ENDOD1: variants seen among roughly 807,000 people sequenced by gnomAD.
The protein encoded by ENDOD1 is endonuclease domain containing 1.
A neutral mutation model predicts 6.5 loss-of-function variants in ENDOD1; 9 were observed. That is an observed-to-expected ratio of 1.39 (90% confidence interval 0.84 to 2.43). ENDOD1 has a LOEUF of 2.43. Among genes scored for constraint, ENDOD1 ranks in the 30% most tolerant of loss-of-function variants. The pLI is 0.00. For missense variants in ENDOD1, 648 were observed against 635.5 expected, an observed-to-expected ratio of 1.02 and a Z score of -0.21; for synonymous variants, 255 against 255.2, an observed-to-expected ratio of 1.00 and a Z score of 0.01.
chr11:95,102,852 TGGAG>T (rs1859054195), intron 1 of ENDOD1, among the ~76,000 whole-genome samples: 1 of 152,224 alleles, frequency 6.6e-6, no homozygotes. Context: ...CAGTTGGCTT[TGGAG>T]AAAGGCTATT....
intron 1 of ENDOD1, among the ~76,000 whole-genome samples, chr11:95,126,277 A>C (rs1859311315): frequency 6.6e-6 from 1 of 152,232 alleles, no homozygotes; most frequent in Admixed American, 6.5e-5. Flanking sequence ...GACTGCCCTC[A>C]GACTAGAGGT....
intron 1 of ENDOD1, among the ~76,000 whole-genome samples, chr11:95,110,345 T>C (rs1230485787): frequency 6.6e-6 from 1 of 152,214 alleles, no homozygotes; most frequent in Non-Finnish European, 1.5e-5. Context: ...TCTTCTTCCA[T>C]TGATCCCATC....
chr11:95,101,086 A>T (rs1859035956), intron 1 of ENDOD1, among the ~76,000 whole-genome samples: 1 of 152,110 alleles, frequency 6.6e-6, no homozygotes, highest in South Asian at 2.1e-4. Flanking sequence ...TGTCTAACAC[A>T]AAGACAGCAA....
chr11:95,110,583 A>ATGTG lies in ENDOD1; in HGVS notation c.301-17769_301-17766dup, dbSNP rs35270641. On this transcript the variant is annotated intron_variant, in intron 1 of 1. Transcript: ENST00000278505. ...TGCTGACTTTCAAGTCCGTGTATGTATGTGTGTGTGTGTGTGTGTGTGTGT... is the reference window on the plus strand; with the variant it reads ...TGCTGACTTTCAAGTCCGTGTATGTATGTGTGTGTGTGTGTGTGTGTGTGTGTGT... Among the ~76,000 whole-genome samples the ATGTG allele has an allele frequency of 9.7e-3, 1,440 of 147,756 alleles. 12 individuals carry two copies. The highest frequency in any genetic ancestry group is 0.014 in the Middle Eastern group (4 of 290).
intron 1 of ENDOD1, among the ~76,000 whole-genome samples, chr11:95,112,350 A>G (rs1487691518): frequency 1.3e-5 from 2 of 152,076 alleles, no homozygotes; most frequent in Non-Finnish European, 2.9e-5. Context: ...CTTTGAAATC[A>G]GAGAAGCTGG....
At position 95,096,642 on chromosome 11, in the gene ENDOD1, G is replaced by C. The variant is rs1346368604; in HGVS notation, c.300+6415G>C. On this transcript the variant is annotated intron_variant, in intron 1 of 1. Coordinates refer to ENST00000278505, the MANE Select transcript of ENDOD1 (RefSeq NM_015036.3). ...TCAGTTGACTTATACTTTAAGGGCT[G>C]ATTGGTCTTCAGTTTTTATTGACTT... Among the ~76,000 whole-genome samples, 5 of 152,188 alleles carry C rather than the reference G, an allele frequency of 3.3e-5. No individual in the cohort carries two copies. The South Asian group carries it at 1.0e-3, about 32-fold the overall frequency.
chr11:95,111,470 A>G lies in ENDOD1; in HGVS notation c.301-16907A>G, dbSNP rs190195223. Among the ~76,000 whole-genome samples the G allele has an allele frequency of 1.6e-4, 24 of 152,150 alleles. No individual in the cohort carries two copies. The East Asian group carries it at 3.9e-3, about 24-fold the overall frequency. ...TAATGAAATAATTATACAACTCACC[A>G]TAATGTAGAATCAGTGGAATCTCTG... On this transcript the variant is annotated intron_variant, in intron 1 of 1. Coordinates refer to ENST00000278505, the MANE Select transcript of ENDOD1 (RefSeq NM_015036.3).
Position 95,090,017 on chromosome 11 carries a change from C to T in ENDOD1, c.90C>T (p.Gly30=), listed in dbSNP as rs549509830. The T allele has an allele frequency of 3.2e-6, 5 of 1,585,892 alleles. No homozygotes were observed. The highest frequency in any genetic ancestry group is 1.4e-5 in the African/African-American group (1 of 73,182). The change falls in exon 1 of 2, where the codon GGC becomes GGT. Residue 30 remains glycine (G), a synonymous_variant. Transcript: ENST00000278505. ...EGRLVGEEEA[G]FGECDKFFYA... The stretch of plus-strand genomic sequence containing the variant: ...GGCTCGTGGGCGAGGAGGAAGCCGG[C>T]TTTGGCGAATGTGACAAGTTCTTCT...
intron 1 of ENDOD1, among the ~76,000 whole-genome samples, chr11:95,114,363 A>ACCACACC: frequency 6.8e-6 from 1 of 147,556 alleles, no homozygotes; most frequent in African/African-American, 2.7e-5. Flanking sequence ...TTTTTTTCCT[A>ACCACACC]TGGAGTTGTT....
At chr11:95,096,227 CTTTTTTT>C (rs10660230) in intron 1 of ENDOD1, among the ~76,000 whole-genome samples, 3 of 49,964 alleles carry the variant, frequency 6.0e-5, no homozygotes, top group Admixed American at 3.9e-4. Context: ...GTCAAGAAAG[CTTTTTTT>C]TTTTTTTTTT....
intron 1 of ENDOD1, among the ~76,000 whole-genome samples, chr11:95,094,513 T>C (rs1555110132): frequency 6.6e-6 from 1 of 152,234 alleles, no homozygotes; most frequent in African/African-American, 2.4e-5. Flanking sequence ...GTCACTTTAC[T>C]CTGGAATGAA....
chr11:95,115,371 C>T (rs549866941), intron 1 of ENDOD1, among the ~76,000 whole-genome samples: 6 of 145,220 alleles, frequency 4.1e-5, no homozygotes, highest in East Asian at 2.0e-4. Flanking sequence ...TTTGTTTATC[C>T]GTTCTACTAG....
chr11:95,126,524 A>G (rs601238), intron 1 of ENDOD1, among the ~76,000 whole-genome samples: 2,062 of 152,324 alleles, frequency 0.014, 12 homozygotes, highest in Non-Finnish European at 0.02. Flanking sequence ...TCAAACAACC[A>G]TGTTGACATG....
chr11:95,107,481 T>G (rs1251609384), intron 1 of ENDOD1, among the ~76,000 whole-genome samples: 9 of 152,146 alleles, frequency 5.9e-5, no homozygotes, highest in African/African-American at 2.2e-4. Flanking sequence ...GCCTTCTCAA[T>G]GTAAGGGACT....
At position 95,089,878 on chromosome 11, in the gene ENDOD1, G is replaced by C. The variant is rs1565441796; in HGVS notation, c.-50G>C. On this transcript the variant is annotated 5_prime_UTR_variant, in exon 1 of 2. Coordinates refer to ENST00000278505, the MANE Select transcript of ENDOD1 (RefSeq NM_015036.3). Reference sequence around the variant, plus strand: ...GCTCCCCGCCCAGCCTGCAGAGCTCGCGCCGCGGCAGCCCAGCCGCTCGGC... The same window carrying C: ...GCTCCCCGCCCAGCCTGCAGAGCTCCCGCCGCGGCAGCCCAGCCGCTCGGC... 1.6e-6 allele frequency: 2 copies of C among 1,286,330 alleles called. No homozygotes were observed. The highest frequency in any genetic ancestry group is 2.8e-5 in the South Asian group (1 of 35,992). 79.7% of individuals were successfully genotyped at this position (1,286,330 alleles called of 1,614,324 possible). A position where few individuals can be genotyped will look rare whatever the true frequency, so the allele number is the denominator to read the frequency against.
chr11:95,112,530 C>T (rs1464924189), intron 1 of ENDOD1, among the ~76,000 whole-genome samples: 4 of 152,190 alleles, frequency 2.6e-5, no homozygotes, highest in Non-Finnish European at 5.9e-5. Flanking sequence ...CGTCTGATCC[C>T]CTGCTGCCCT....
At chr11:95,105,877 T>C (rs1006735463) in intron 1 of ENDOD1, among the ~76,000 whole-genome samples, 9 of 152,170 alleles carry the variant, frequency 5.9e-5, no homozygotes, top group Non-Finnish European at 1.2e-4. Flanking sequence ...CAACCAGTTA[T>C]GGGGATGCAC....
intron 1 of ENDOD1, among the ~76,000 whole-genome samples, chr11:95,100,780 G>A (rs1235947791): frequency 2.0e-5 from 3 of 149,984 alleles, no homozygotes; most frequent in Admixed American, 6.7e-5. Flanking sequence ...ACAGGTGTGA[G>A]CCACCATGCC....
chr11:95,124,551 G>T (rs1342339582), intron 1 of ENDOD1, among the ~76,000 whole-genome samples: 2 of 152,228 alleles, frequency 1.3e-5, no homozygotes, highest in African/African-American at 4.8e-5. Context: ...GCCCCAAGCT[G>T]CCTGTATTTC....
Sources: allele counts gnomAD v4.1 joint callset (sites outside exome capture counted in the v4.1 genomes callset), GRCh38; gene constraint gnomAD v4.1.1; transcripts MANE v1.5; gene names NCBI Gene and HGNC (gene_info 2026-07-23, HGNC 2026-07-21).